Variants in SLIT2 observed in about 807,000 individuals in gnomAD.
SLIT2 encodes slit homolog 2 protein.
In SLIT2, 41 loss-of-function variants were observed where a neutral mutation model predicts 185.7. The ratio of observed to expected loss-of-function variants is 0.22; its 90% CI spans 0.17 to 0.29. The LOEUF (loss-of-function observed/expected upper bound fraction) is 0.29. Ranked by LOEUF, SLIT2 falls within the 10% of genes least tolerant of loss-of-function variation. The probability of loss-of-function intolerance (pLI) is 1.00; values close to 1 mark genes in which losing one functional copy is unlikely to be tolerated. For synonymous variants in SLIT2, 693 were observed against 680.2 expected (o/e 1.02, Z -0.29); for missense variants, 1,571 against 1,909.0 (o/e 0.82, Z 3.30).
chr4:20,542,421 AAAGG>A, intron 20 of SLIT2, 69 bp from the exon 21 acceptor site: 1 of 1,386,902 alleles, frequency 7.2e-7, no homozygotes, highest in East Asian at 2.3e-5. Flanking sequence ...AAGTTAATTT[AAAGG>A]CATAAAATCC....
chr4:20,378,136 A>G (rs1341878931), intron 4 of SLIT2, among the ~76,000 whole-genome samples: 1 of 152,128 alleles, frequency 6.6e-6, no homozygotes, highest in African/African-American at 2.4e-5. Flanking sequence ...AATATTTTGG[A>G]AGCTGTGTCC....
intron 4 of SLIT2, among the ~76,000 whole-genome samples, chr4:20,348,017 G>T (rs556941908): frequency 5.3e-5 from 8 of 152,318 alleles, no homozygotes; most frequent in African/African-American, 1.7e-4. Flanking sequence ...TTGAATAAAA[G>T]TCTGGATGCT....
At chr4:20,302,134 G>T (rs1393196491) in intron 4 of SLIT2, among the ~76,000 whole-genome samples, 1 of 152,086 alleles carries the variant, frequency 6.6e-6, no homozygotes, top group Non-Finnish European at 1.5e-5. Context: ...TTGCCAAAGG[G>T]GCAGAAACAC....
At chr4:20,291,052 T>G (rs1330821143) in intron 4 of SLIT2, among the ~76,000 whole-genome samples, 4 of 152,080 alleles carry the variant, frequency 2.6e-5, no homozygotes, top group Admixed American at 2.6e-4. Context: ...CCAACTATTT[T>G]TTTTTCATCT....
At chr4:20,510,653 T>C (rs1719618634) in intron 10 of SLIT2, 87 bp downstream of exon 10, 2 of 782,776 alleles carry the variant, frequency 2.6e-6, no homozygotes, top group Non-Finnish European at 4.3e-6. Context: ...TATGAGTATA[T>C]AAGTGTTTGA....
At chr4:20,280,106 G>T (rs1714580276) in intron 4 of SLIT2, among the ~76,000 whole-genome samples, 1 of 152,014 alleles carries the variant, frequency 6.6e-6, no homozygotes, top group Admixed American at 6.6e-5. Flanking sequence ...GGCGGAGGTG[G>T]GCGGATCACG....
At chr4:20,559,363 G>C (rs934479225) in intron 26 of SLIT2, among the ~76,000 whole-genome samples, 6 of 151,960 alleles carry the variant, frequency 3.9e-5, no homozygotes, top group African/African-American at 1.5e-4. Context: ...GTTGCGTTTA[G>C]AAGACTTAAG....
chr4:20,277,862 G>T (rs374545777), intron 4 of SLIT2, among the ~76,000 whole-genome samples: 1 of 151,268 alleles, frequency 6.6e-6, no homozygotes, highest in South Asian at 2.1e-4. Flanking sequence ...AAGATTAGAC[G>T]TCATAAAATG....
chr4:20,369,515 A>G (rs1723399618), intron 4 of SLIT2, among the ~76,000 whole-genome samples: 1 of 152,048 alleles, frequency 6.6e-6, no homozygotes, highest in Non-Finnish European at 1.5e-5. Flanking sequence ...CAAAGTCTAA[A>G]ATATTTACTC....
chr4:20,355,046 A>G (rs1326031747), intron 4 of SLIT2, among the ~76,000 whole-genome samples: 5 of 152,078 alleles, frequency 3.3e-5, no homozygotes, highest in Non-Finnish European at 7.4e-5. Context: ...ATGATTTGAA[A>G]TATGTTTTCC....
At chr4:20,471,766 A>C (rs1715047668) in intron 5 of SLIT2, among the ~76,000 whole-genome samples, 1 of 152,122 alleles carries the variant, frequency 6.6e-6, no homozygotes, top group Non-Finnish European at 1.5e-5. Context: ...TGCTGTGGAA[A>C]TTTTGCAGAT....
intron 4 of SLIT2, among the ~76,000 whole-genome samples, chr4:20,346,380 T>C (rs1416798945): frequency 6.6e-6 from 1 of 152,090 alleles, no homozygotes; most frequent in Non-Finnish European, 1.5e-5. Context: ...ATTGTAACAA[T>C]AAAAAATGTC....
Position 20,472,295 on chromosome 4 carries a change from G to GATATAGATATCT in SLIT2, c.467+4477_467+4478insGATATCTATATA, listed in dbSNP as rs1560452912. On this transcript the variant is annotated intron_variant, in intron 5 of 36. Coordinates refer to ENST00000504154, the MANE Select transcript of SLIT2 (RefSeq NM_004787.4). ...ATATATCTATATATATAGATATATAGATATATAGATCTATATATAGATATA... is the reference window on the plus strand; with the variant it reads ...ATATATCTATATATATAGATATATAGATATAGATATCTATATATAGATCTATATATAGATATA... Among the ~76,000 whole-genome samples the GATATAGATATCT allele has an allele frequency of 9.0e-3, 232 of 25,886 alleles. 40 individuals are homozygous for GATATAGATATCT. Among genetic ancestry groups the GATATAGATATCT allele is most frequent in the African/African-American group, 0.056 (216 of 3,852 alleles). The allele number at this position is 25,886 out of a possible 152,430, so 17.0% of individuals were successfully genotyped here.
chr4:20,595,403 G>A (rs917593721), intron 30 of SLIT2, among the ~76,000 whole-genome samples: 5 of 152,078 alleles, frequency 3.3e-5, no homozygotes, highest in African/African-American at 9.7e-5. Flanking sequence ...GAAGGAAGAG[G>A]GAGGAGAGTG....
chr4:20,364,127 C>A, intron 4 of SLIT2: 2 of 267,906 alleles, frequency 7.5e-6, no homozygotes, highest in Non-Finnish European at 1.1e-5. Context: ...AGTATTATGC[C>A]TGCCAGCTTG....
chr4:20,447,477 A>G (rs935580164), intron 4 of SLIT2, among the ~76,000 whole-genome samples: 2 of 152,250 alleles, frequency 1.3e-5, no homozygotes, highest in Admixed American at 6.5e-5. Flanking sequence ...GTTCAAGGTT[A>G]CACTTATTCT....
chr4:20,308,120 C>T (rs961067835), intron 4 of SLIT2, among the ~76,000 whole-genome samples: 7 of 152,100 alleles, frequency 4.6e-5, no homozygotes, highest in Admixed American at 2.0e-4. Flanking sequence ...GCAAGAGACA[C>T]GCTTCATGGA....
intron 29 of SLIT2, among the ~76,000 whole-genome samples, chr4:20,584,435 T>A (rs1726874037): frequency 6.6e-6 from 1 of 152,204 alleles, no homozygotes; most frequent in Non-Finnish European, 1.5e-5. Context: ...ACATTTATCA[T>A]CCAAATCAGG....
intron 4 of SLIT2, among the ~76,000 whole-genome samples, chr4:20,388,009 A>G (rs1212111556): frequency 6.6e-6 from 1 of 152,222 alleles, no homozygotes; most frequent in Non-Finnish European, 1.5e-5. Context: ...ATACATGTAG[A>G]AAAAGCATTT....
Sources: allele counts gnomAD v4.1 joint callset (sites outside exome capture counted in the v4.1 genomes callset), GRCh38; gene constraint gnomAD v4.1.1; transcripts MANE v1.5; gene names NCBI Gene and HGNC (gene_info 2026-07-23, HGNC 2026-07-21).